GRIP1: variants seen among roughly 807,000 people sequenced by gnomAD.
The protein encoded by GRIP1 is glutamate receptor interacting protein 1.
Under a neutral mutation model 129.9 loss-of-function variants are expected in GRIP1, and 45 were observed. The ratio of observed to expected loss-of-function variants is 0.35; its 90% confidence interval spans 0.27 to 0.44. GRIP1 has a LOEUF of 0.44. Among genes scored for constraint, GRIP1 ranks in the 20% least tolerant of loss-of-function variants. The pLI, the probability that GRIP1 is intolerant of heterozygous loss-of-function variation, is 1.00. For synonymous variants in GRIP1, 530 were observed against 520.8 expected (o/e 1.02, Z -0.24); for missense variants, 1,196 against 1,396.8 (o/e 0.86, Z 2.29).
intron 1 of GRIP1, among the ~76,000 whole-genome samples, chr12:67,052,494 T>C (rs1036962779): frequency 1.4e-4 from 22 of 152,284 alleles, no homozygotes; most frequent in Admixed American, 6.5e-5. Context: ...GCGCAGTGAC[T>C]CATGCCTGTA....
intron 1 of GRIP1, among the ~76,000 whole-genome samples, chr12:67,002,536 G>T (rs1228341766): frequency 1.3e-5 from 2 of 152,122 alleles, no homozygotes; most frequent in African/African-American, 4.8e-5. Context: ...TTTCCACAAG[G>T]CAATTCATAC....
chr12:66,887,115 T>C (rs2040578929), intron 1 of GRIP1, among the ~76,000 whole-genome samples: 1 of 152,226 alleles, frequency 6.6e-6, no homozygotes, highest in Non-Finnish European at 1.5e-5. Flanking sequence ...TTATGCTTTG[T>C]TTTTCTGGCT....
At chr12:66,363,371 G>T (rs2054926192) in intron 23 of GRIP1, among the ~76,000 whole-genome samples, 1 of 148,082 alleles carries the variant, frequency 6.8e-6, no homozygotes. Context: ...AGCCTCCTTA[G>T]CTGGGACCAC....
At chr12:66,853,143 T>C (rs1025156334) in intron 1 of GRIP1, among the ~76,000 whole-genome samples, 1 of 151,612 alleles carries the variant, frequency 6.6e-6, no homozygotes, top group Non-Finnish European at 1.5e-5. Flanking sequence ...TTCTTCCGAC[T>C]GTAATTCTCA....
intron 1 of GRIP1, among the ~76,000 whole-genome samples, chr12:66,656,088 C>T (rs1260767674): frequency 6.6e-6 from 1 of 152,056 alleles, no homozygotes; most frequent in Non-Finnish European, 1.5e-5. Context: ...CTCCAGGCAT[C>T]CAATAGACTC....
intron 1 of GRIP1, among the ~76,000 whole-genome samples, chr12:67,017,034 C>T (rs890448600): frequency 2.6e-5 from 4 of 152,262 alleles, no homozygotes; most frequent in East Asian, 1.9e-4. Context: ...CATAATTGAG[C>T]GCTTACTCAA....
intron 1 of GRIP1, among the ~76,000 whole-genome samples, chr12:66,863,332 T>G (rs2040144958): frequency 6.6e-6 from 1 of 152,116 alleles, no homozygotes; most frequent in Non-Finnish European, 1.5e-5. Context: ...TTCCTGTTCT[T>G]TTGAAGTTGA....
At chr12:66,698,121 G>A (rs2035227079) in intron 1 of GRIP1, among the ~76,000 whole-genome samples, 1 of 151,990 alleles carries the variant, frequency 6.6e-6, no homozygotes, top group Admixed American at 6.6e-5. Flanking sequence ...AAAGAATGGA[G>A]CACATTGCTA....
chr12:66,679,031 A>G lies in GRIP1; in HGVS notation c.-127T>C, dbSNP rs770598698. On this transcript the variant is annotated 5_prime_UTR_variant, in exon 1 of 25. Coordinates refer to ENST00000359742, the MANE Select transcript of GRIP1 (RefSeq NM_001366722.1). The stretch of plus-strand genomic sequence containing the variant: ...AGGTAGTCCCAGTGGGGAGTGACAA[A>G]GCTTAATTCCTCTTGGCTGATGCAG... The G allele has an allele frequency of 1.3e-4, 202 of 1,560,674 alleles. 1 individual carries two copies. The highest frequency in any genetic ancestry group is 1.7e-4 in the Non-Finnish European group (194 of 1,152,148).
chr12:67,054,017 G>A (rs7311891), intron 1 of GRIP1, among the ~76,000 whole-genome samples: 2,434 of 152,100 alleles, frequency 0.016, 73 homozygotes, highest in African/African-American at 0.056. Flanking sequence ...ACTGCTTACC[G>A]GCCATCTACC....
intron 2 of GRIP1, among the ~76,000 whole-genome samples, chr12:66,588,768 A>G (rs967609884): frequency 3.3e-5 from 5 of 152,138 alleles, no homozygotes; most frequent in Middle Eastern, 3.4e-3. Flanking sequence ...CAGGAGTTCA[A>G]GACCAGCCTG....
At chr12:66,698,436 G>A (rs926162660) in intron 1 of GRIP1, among the ~76,000 whole-genome samples, 1 of 152,206 alleles carries the variant, frequency 6.6e-6, no homozygotes, top group Admixed American at 6.5e-5. Context: ...CACACAGGAT[G>A]TAAACACTTG....
chr12:66,447,957 T>C (rs1306308090), intron 11 of GRIP1, among the ~76,000 whole-genome samples: 1 of 152,200 alleles, frequency 6.6e-6, no homozygotes, highest in Non-Finnish European at 1.5e-5. Flanking sequence ...TTGTTTCGAG[T>C]GTCTTACTTT....
At chr12:66,903,067 T>A (rs1217048822) in intron 1 of GRIP1, among the ~76,000 whole-genome samples, 1 of 152,112 alleles carries the variant, frequency 6.6e-6, no homozygotes, top group African/African-American at 2.4e-5. Flanking sequence ...AAATAACTAG[T>A]CAAATTCTGA....
At chr12:66,995,876 T>G (rs926488833) in intron 1 of GRIP1, among the ~76,000 whole-genome samples, 1 of 152,168 alleles carries the variant, frequency 6.6e-6, no homozygotes, top group South Asian at 2.1e-4. Flanking sequence ...CATACATGAA[T>G]ATCTATACCT....
chr12:66,788,347 G>A (rs1174751085), intron 1 of GRIP1, among the ~76,000 whole-genome samples: 1 of 151,322 alleles, frequency 6.6e-6, no homozygotes, highest in Non-Finnish European at 1.5e-5. Context: ...ATTTCTTTGA[G>A]TTTACTATGG....
chr12:66,855,090 C>T (rs189383442), intron 1 of GRIP1, among the ~76,000 whole-genome samples: 53 of 151,802 alleles, frequency 3.5e-4, no homozygotes, highest in African/African-American at 1.1e-3. Context: ...AGCTGTCTAG[C>T]GGAGAAACCA....
chr12:66,717,513 G>C (rs1228616765), intron 1 of GRIP1, among the ~76,000 whole-genome samples: 1 of 152,116 alleles, frequency 6.6e-6, no homozygotes, highest in African/African-American at 2.4e-5. Flanking sequence ...CATCGTGCCA[G>C]AAAACTCAGT....
intron 1 of GRIP1, among the ~76,000 whole-genome samples, chr12:67,000,930 A>G (rs1434068014): frequency 6.6e-6 from 1 of 152,346 alleles, no homozygotes; most frequent in South Asian, 2.1e-4. Flanking sequence ...AATATACTCC[A>G]TAAGATATCC....
Sources: allele counts gnomAD v4.1 joint callset (sites outside exome capture counted in the v4.1 genomes callset), GRCh38; gene constraint gnomAD v4.1.1; transcripts MANE v1.5; gene names NCBI Gene and HGNC (gene_info 2026-07-23, HGNC 2026-07-21).